Variants in ADAM12 observed in about 807,000 individuals in gnomAD.
The protein encoded by ADAM12 is disintegrin and metalloproteinase domain-containing protein 12.
A neutral mutation model predicts 106.4 loss-of-function variants in ADAM12; 70 were observed. That is an observed-to-expected ratio of 0.66 (90% CI 0.54 to 0.80). The LOEUF (loss-of-function observed/expected upper bound fraction) is 0.80, where lower values mean the gene tolerates loss of function less well. Ranked by LOEUF, ADAM12 falls within the 30% of genes least tolerant of loss-of-function variation. ADAM12 has a pLI of 0.00. For missense variants in ADAM12, 1,010 were observed against 1,171.9 expected, an observed-to-expected ratio of 0.86 and a Z score of 2.02; for synonymous variants, 420 against 433.5, an observed-to-expected ratio of 0.97 and a Z score of 0.39.
intron 2 of ADAM12, among the ~76,000 whole-genome samples, chr10:126,329,986 A>C (rs1854446461): frequency 6.6e-6 from 1 of 152,218 alleles, no homozygotes; most frequent in Non-Finnish European, 1.5e-5. Flanking sequence ...CAAACATGTC[A>C]AAGTAAATAA....
intron 18 of ADAM12, chr10:126,042,063 A>G: frequency 6.4e-7 from 1 of 1,572,950 alleles, no homozygotes; most frequent in Non-Finnish European, 8.6e-7. Context: ...TGCCAGTCAC[A>G]GGAGGCCTTG....
At chr10:126,164,362 TTC>T (rs1271006409) in intron 3 of ADAM12, among the ~76,000 whole-genome samples, 1 of 152,234 alleles carries the variant, frequency 6.6e-6, no homozygotes, top group Non-Finnish European at 1.5e-5. Context: ...CAGTGATTTC[TTC>T]TTCCTGGTGG....
intron 3 of ADAM12, among the ~76,000 whole-genome samples, chr10:126,174,313 A>G (rs1046608060): frequency 1.3e-5 from 2 of 151,828 alleles, no homozygotes; most frequent in Admixed American, 6.6e-5. Context: ...CATATTTCCT[A>G]TAAGCAGATA....
At chr10:126,105,272 G>A (rs1053668857) in intron 8 of ADAM12, among the ~76,000 whole-genome samples, 6 of 152,208 alleles carry the variant, frequency 3.9e-5, no homozygotes, top group Admixed American at 2.6e-4. Context: ...TAGAATAAAT[G>A]TGAAGAAATA....
intron 21 of ADAM12, among the ~76,000 whole-genome samples, chr10:126,032,631 A>T (rs1953990454): frequency 6.6e-6 from 1 of 151,888 alleles, no homozygotes; most frequent in South Asian, 2.1e-4. Flanking sequence ...TAAAATAAAT[A>T]AAAAAGTTCA....
At chr10:126,387,024 G>C (rs941343157) in intron 1 of ADAM12, among the ~76,000 whole-genome samples, 1 of 152,212 alleles carries the variant, frequency 6.6e-6, no homozygotes, top group African/African-American at 2.4e-5. Context: ...GAGGGCAGCA[G>C]TGGCAATCGC....
At chr10:126,077,167 A>G (rs978081848) in intron 11 of ADAM12, among the ~76,000 whole-genome samples, 12 of 152,160 alleles carry the variant, frequency 7.9e-5, no homozygotes, top group African/African-American at 2.9e-4. Flanking sequence ...TCACACAGAA[A>G]AAGGAAATAC....
intron 4 of ADAM12, among the ~76,000 whole-genome samples, chr10:126,149,835 T>C (rs1196520298): frequency 6.6e-6 from 1 of 152,222 alleles, no homozygotes; most frequent in Non-Finnish European, 1.5e-5. Flanking sequence ...GTTTTGGGAC[T>C]TGGATTGGCT....
rs899505057 is a variant in ADAM12 at position 126,043,819 on chromosome 10, A to G, written c.1996-671T>C. ...GCTGTTCCCTGGCTCCCAGTCACGC[A>G]CCAGGGTGCGAATCCAACAGTGGAT... is the stretch of plus-strand genomic sequence containing the variant. On this transcript the variant is annotated intron_variant, in intron 17 of 22. Coordinates refer to ENST00000448723, the MANE Select transcript of ADAM12 (RefSeq NM_001288973.2). This position sits in a 1 kb window ranked among gnomAD's most constrained non-coding sequence, Gnocchi z 4.1. Among the ~76,000 whole-genome samples, 2 of 152,168 alleles carry G rather than the reference A, an allele frequency of 1.3e-5. No homozygotes were observed. The highest frequency in any genetic ancestry group is 2.4e-5 in the African/African-American group (1 of 41,446).
intron 2 of ADAM12, among the ~76,000 whole-genome samples, chr10:126,318,101 G>T (rs12772855): frequency 6.6e-6 from 1 of 151,834 alleles, no homozygotes; most frequent in Admixed American, 6.6e-5. Context: ...CCAAGGAATC[G>T]GGCTCGTGGA....
intron 14 of ADAM12, among the ~76,000 whole-genome samples, chr10:126,052,105 T>A (rs113147039): frequency 1.3e-5 from 2 of 152,238 alleles, no homozygotes; most frequent in Non-Finnish European, 2.9e-5. Context: ...AAGCCAGGCT[T>A]CTGGGCTGTT....
intron 1 of ADAM12, among the ~76,000 whole-genome samples, chr10:126,365,788 A>G (rs1168964468): frequency 1.3e-5 from 2 of 152,212 alleles, no homozygotes; most frequent in Admixed American, 6.5e-5. Context: ...TCAAGATGAG[A>G]TTTGGGTGGG....
chr10:126,104,448 T>TAA (rs541719234), intron 8 of ADAM12, among the ~76,000 whole-genome samples: 3 of 100,756 alleles, frequency 3.0e-5, no homozygotes, highest in African/African-American at 1.1e-4. Flanking sequence ...AGACTCTGTC[T>TAA]AAAAAAAAAA....
At chr10:126,210,093 C>T (rs1367619087) in intron 3 of ADAM12, among the ~76,000 whole-genome samples, 3 of 152,198 alleles carry the variant, frequency 2.0e-5, no homozygotes, top group African/African-American at 7.2e-5. Context: ...ACTGAATCTC[C>T]CATCTTTCCC....
chr10:126,226,232 T>C (rs1958194244), intron 3 of ADAM12, among the ~76,000 whole-genome samples: 1 of 152,040 alleles, frequency 6.6e-6, no homozygotes, highest in African/African-American at 2.4e-5. Context: ...TGCTGTTCTT[T>C]CAGCCACTGG....
chr10:126,170,259 A>G (rs1477367837), intron 3 of ADAM12, among the ~76,000 whole-genome samples: 1 of 152,010 alleles, frequency 6.6e-6, no homozygotes, highest in African/African-American at 2.4e-5. Context: ...TGCTCTGCAA[A>G]TTTCCATACC....
chr10:126,292,125 C>T (rs1590741271), intron 2 of ADAM12, among the ~76,000 whole-genome samples: 1 of 152,138 alleles, frequency 6.6e-6, no homozygotes, highest in East Asian at 1.9e-4. Flanking sequence ...ACATGCATTG[C>T]AAATGCCCCA....
At chr10:126,186,078 C>T (rs1957394535) in intron 3 of ADAM12, among the ~76,000 whole-genome samples, 1 of 152,142 alleles carries the variant, frequency 6.6e-6, no homozygotes, top group Admixed American at 6.5e-5. Flanking sequence ...CTGTGCCTGT[C>T]CTGTGTCCCC....
At chr10:126,287,059 GT>G (rs1317601702) in intron 2 of ADAM12, among the ~76,000 whole-genome samples, 1 of 152,196 alleles carries the variant, frequency 6.6e-6, no homozygotes, top group Admixed American at 6.5e-5. Flanking sequence ...CTTAGCTCAA[GT>G]TCTTTGTCCC....
Sources: allele counts gnomAD v4.1 joint callset (sites outside exome capture counted in the v4.1 genomes callset), GRCh38; gene constraint gnomAD v4.1.1; non-coding constraint Gnocchi (gnomAD v3.1); transcripts MANE v1.5; gene names NCBI Gene and HGNC (gene_info 2026-07-23, HGNC 2026-07-21).